Variants in THEMIS observed in about 807,000 individuals in gnomAD.
The protein encoded by THEMIS is protein THEMIS.
Under a neutral mutation model 52.6 loss-of-function variants are expected in THEMIS, and 37 were observed. The ratio of observed to expected loss-of-function variants is 0.70; its 90% CI spans 0.54 to 0.93. The LOEUF is 0.93. Among genes scored for constraint, THEMIS ranks in the 40% least tolerant of loss-of-function variants. The pLI, the probability that THEMIS is intolerant of heterozygous loss-of-function variation, is 0.00. For missense variants in THEMIS, 808 were observed against 763.1 expected, an observed-to-expected ratio of 1.06 and a Z score of -0.69; for synonymous variants, 292 against 272.7, an observed-to-expected ratio of 1.07 and a Z score of -0.70.
intron 1 of THEMIS, among the ~76,000 whole-genome samples, chr6:127,874,777 AT>A (rs1204194831): frequency 1.3e-5 from 2 of 152,220 alleles, no homozygotes; most frequent in Non-Finnish European, 2.9e-5. Context: ...TGATATAAAT[AT>A]TTTGTCTCTT....
At chr6:127,897,618 TA>T (rs1781008814) in intron 1 of THEMIS, among the ~76,000 whole-genome samples, 1 of 151,544 alleles carries the variant, frequency 6.6e-6, no homozygotes, top group African/African-American at 2.4e-5. Flanking sequence ...CCAGAATGAC[TA>T]AAATTAAGAA....
At chr6:127,827,345 A>G (rs926674551) in intron 3 of THEMIS, among the ~76,000 whole-genome samples, 3 of 152,202 alleles carry the variant, frequency 2.0e-5, no homozygotes, top group Non-Finnish European at 2.9e-5. Context: ...TACACATGCA[A>G]TCCAGTCTCA....
intron 3 of THEMIS, among the ~76,000 whole-genome samples, chr6:127,826,476 T>G (rs1323622352): frequency 2.6e-5 from 4 of 152,258 alleles, no homozygotes; most frequent in Non-Finnish European, 4.4e-5. Flanking sequence ...ATTAATTTTT[T>G]ACATATCTGG....
intron 4 of THEMIS, among the ~76,000 whole-genome samples, chr6:127,766,975 T>G (rs1021237503): frequency 6.6e-6 from 1 of 152,216 alleles, no homozygotes; most frequent in Non-Finnish European, 1.5e-5. Flanking sequence ...AATAATAAAT[T>G]AAACTTAGCT....
chr6:127,697,756 C>T, the THEMIS span, among the ~76,000 whole-genome samples: 2 of 152,094 alleles, frequency 1.3e-5, no homozygotes, highest in African/African-American at 4.8e-5. Flanking sequence ...ATGAAATGTT[C>T]ATTTTCTTTA....
intron 4 of THEMIS, among the ~76,000 whole-genome samples, chr6:127,796,401 A>G (rs540196061): frequency 2.0e-5 from 3 of 152,322 alleles, no homozygotes; most frequent in African/African-American, 4.8e-5. Flanking sequence ...CTTAAAAAAT[A>G]AAAAAGGACA....
rs139989968 is a variant in THEMIS, at chr6:127,862,134, C to T, written c.92-6946G>A. 1.8e-4 allele frequency among the ~76,000 whole-genome samples: 28 copies of T among 152,092 alleles called. 1 individual carries two copies. In the East Asian group the frequency reaches 3.9e-3, roughly 21 times the overall value. ...AAAGTTAGAGTAAAATTTCAACATC[C>T]TGAAAAAGGAAAGTTATAACCTAAT... On this transcript the variant is annotated intron_variant, in intron 1 of 5. Coordinates refer to ENST00000368248, the MANE Select transcript of THEMIS (RefSeq NM_001010923.3).
At position 127,877,807 on chromosome 6, in the gene THEMIS, A is replaced by G. The variant is rs889699730; in HGVS notation, c.92-22619T>C. Among the ~76,000 whole-genome samples the G allele has an allele frequency of 2.6e-5, 4 of 152,222 alleles. No individual in the cohort carries two copies. In the East Asian group the frequency reaches 7.7e-4, roughly 29 times the overall value. On this transcript the variant is annotated intron_variant, in intron 1 of 5. Transcript: ENST00000368248. The stretch of plus-strand genomic sequence containing the variant: ...AACACATTGGTGGAAAATGGTGCCA[A>G]TAGAATTGCTCGATACAGGTGTGCC...
intron 4 of THEMIS, among the ~76,000 whole-genome samples, chr6:127,785,006 TTATCTATCTATCTATCTAC>T (rs1405719767): frequency 2.6e-5 from 3 of 117,228 alleles, no homozygotes; most frequent in African/African-American, 1.0e-4. Context: ...TATCTATCTA[TTATCTATCTATCTATCTAC>T]CTATCAATAT....
At chr6:127,798,161 A>T (rs1777393482) in intron 4 of THEMIS, among the ~76,000 whole-genome samples, 1 of 152,232 alleles carries the variant, frequency 6.6e-6, no homozygotes, top group South Asian at 2.1e-4. Context: ...TATTAATATG[A>T]TGAAAGTGCT....
At chr6:127,888,590 T>C (rs1780713846) in intron 1 of THEMIS, among the ~76,000 whole-genome samples, 1 of 152,088 alleles carries the variant, frequency 6.6e-6, no homozygotes, top group Non-Finnish European at 1.5e-5. Context: ...TATGGGTAAT[T>C]ATGCATTTCT....
At chr6:127,808,349 T>G (rs1777789588) in intron 4 of THEMIS, among the ~76,000 whole-genome samples, 1 of 152,200 alleles carries the variant, frequency 6.6e-6, no homozygotes. Context: ...TTCTGAACTA[T>G]CTGAAACCAC....
chr6:127,704,161 T>C (rs1402547305), downstream of THEMIS, among the ~76,000 whole-genome samples: 1 of 152,190 alleles, frequency 6.6e-6, no homozygotes, highest in East Asian at 1.9e-4. Flanking sequence ...ATTTAGACCA[T>C]AGCATGTCCT....
In THEMIS at chr6:127,714,686, C is replaced by T. The variant is rs113302003; in HGVS notation, c.1895-4670G>A. ...AAATGTGACATTCTTTGAATTAGAGCTTAGTCTTGGGTCTGTCTCATTGCA... is the reference window on the plus strand; with the variant it reads ...AAATGTGACATTCTTTGAATTAGAGTTTAGTCTTGGGTCTGTCTCATTGCA... On this transcript the variant is annotated intron_variant, in intron 5 of 5. Coordinates refer to ENST00000368248, the MANE Select transcript of THEMIS (RefSeq NM_001010923.3). Among the ~76,000 whole-genome samples the T allele has an allele frequency of 9.9e-4, 151 of 151,958 alleles. 3 individuals are homozygous for T. Among genetic ancestry groups the T allele is most frequent in the East Asian group, 4.7e-3 (24 of 5,146 alleles).
chr6:127,864,830 T>C (rs1779922396), intron 1 of THEMIS, among the ~76,000 whole-genome samples: 1 of 152,112 alleles, frequency 6.6e-6, no homozygotes, highest in Admixed American at 6.6e-5. Flanking sequence ...TTAGGACTCA[T>C]AGAAGTCAGA....
chr6:127,819,729 GA>G (rs1778269750), intron 3 of THEMIS, among the ~76,000 whole-genome samples: 1 of 152,098 alleles, frequency 6.6e-6, no homozygotes, highest in African/African-American at 2.4e-5. Context: ...TTACTTATGT[GA>G]GTAACAATTC....
chr6:127,846,657 AC>A (rs1779224414), intron 2 of THEMIS, among the ~76,000 whole-genome samples: 1 of 151,852 alleles, frequency 6.6e-6, no homozygotes, highest in Non-Finnish European at 1.5e-5. Context: ...AAAATTGCCA[AC>A]CAAAAAAAGC....
chr6:127,773,811 A>G (rs1214468231), intron 4 of THEMIS, among the ~76,000 whole-genome samples: 1 of 152,274 alleles, frequency 6.6e-6, no homozygotes, highest in African/African-American at 2.4e-5. Context: ...GAAAATAAAA[A>G]ATAGCAAATT....
chr6:127,749,074 T>TAACAA (rs1198956238), intron 4 of THEMIS, among the ~76,000 whole-genome samples: 1 of 152,104 alleles, frequency 6.6e-6, no homozygotes, highest in Non-Finnish European at 1.5e-5. Context: ...ATGGCCTCTA[T>TAACAA]AACAATTTTG....
Sources: gnomAD v4.1 joint callset for allele counts (sites outside exome capture counted in the v4.1 genomes callset) on GRCh38, gnomAD v4.1.1 for gene constraint, MANE v1.5 for transcripts, NCBI Gene and HGNC (gene_info 2026-07-23, HGNC 2026-07-21) for gene names.